NEK11: variants seen among roughly 807,000 people sequenced by gnomAD.
NEK11 encodes serine/threonine-protein kinase Nek11.
In NEK11, 72 loss-of-function variants were observed where a neutral mutation model predicts 80.7. That is an observed-to-expected ratio of 0.89 (90% CI 0.74 to 1.08). The LOEUF (loss-of-function observed/expected upper bound fraction) is 1.08. Ranked by LOEUF, NEK11 falls within the 50% of genes least tolerant of loss-of-function variation. The pLI is 0.00. For missense variants in NEK11, 764 were observed against 763.6 expected (o/e 1.00, Z -0.01); for synonymous variants, 251 against 260.7 (o/e 0.96, Z 0.36).
chr3:131,213,011 A>G (rs1035044619), intron 14 of NEK11, among the ~76,000 whole-genome samples: 20 of 152,172 alleles, frequency 1.3e-4, no homozygotes, highest in Non-Finnish European at 2.6e-4. Flanking sequence ...GATCTTCCCC[A>G]AAGAAGAAGG....
chr3:131,175,064 C>G (rs888876196), intron 14 of NEK11: 2 of 1,171,702 alleles, frequency 1.7e-6, no homozygotes, highest in African/African-American at 3.2e-5. Flanking sequence ...TCTGGGCTGT[C>G]TATGACTTAC....
At chr3:131,059,957 AC>A (rs1414092833) in intron 3 of NEK11, among the ~76,000 whole-genome samples, 1 of 152,240 alleles carries the variant, frequency 6.6e-6, no homozygotes, top group African/African-American at 2.4e-5. Flanking sequence ...GGGGCACAGT[AC>A]AAAGTGAAAA....
intron 16 of NEK11, among the ~76,000 whole-genome samples, chr3:131,272,586 C>T (rs2096217976): frequency 6.9e-6 from 1 of 144,736 alleles, no homozygotes; most frequent in South Asian, 2.3e-4. Flanking sequence ...AGTGATTCTC[C>T]TGTCTCAGCC....
chr3:131,340,439 C>T (rs1172497455), intron 17 of NEK11, among the ~76,000 whole-genome samples: 3 of 152,056 alleles, frequency 2.0e-5, no homozygotes, highest in Non-Finnish European at 4.4e-5. Context: ...GGGTACACAG[C>T]ATAGTCTATA....
At chr3:131,287,766 G>T (rs999732368) in intron 17 of NEK11, among the ~76,000 whole-genome samples, 1 of 152,172 alleles carries the variant, frequency 6.6e-6, no homozygotes, top group Non-Finnish European at 1.5e-5. Flanking sequence ...TCTAACTCCA[G>T]AGCATTCTGA....
At chr3:131,323,750 T>C (rs1292423135) in intron 17 of NEK11, among the ~76,000 whole-genome samples, 1 of 152,196 alleles carries the variant, frequency 6.6e-6, no homozygotes, top group Non-Finnish European at 1.5e-5. Context: ...TGAATTTGCT[T>C]TTGTTCTGTG....
rs544057128 is a variant in NEK11 at position 131,162,638 on chromosome 3, A to G, written c.1082+111A>G. 193 of 1,198,262 alleles carry G rather than the reference A, an allele frequency of 1.6e-4. 1 individual carries two copies. The East Asian group carries it at 4.0e-3, about 25-fold the overall frequency. 74.2% of individuals were successfully genotyped at this position (1,198,262 alleles called of 1,614,324 possible). ...ACAGGAAACCCCAATGCATACGATT[A>G]TGTATTTATGTGTTTATTCATTCAC... is the stretch of plus-strand genomic sequence containing the variant. On this transcript the variant is annotated intron_variant, in intron 11 of 17. Transcript: ENST00000383366.
intron 4 of NEK11, among the ~76,000 whole-genome samples, chr3:131,091,396 A>G (rs528922684): frequency 6.6e-6 from 1 of 152,272 alleles, no homozygotes; most frequent in South Asian, 2.1e-4. Context: ...ACAGGAAATC[A>G]GGCACTTAAT....
intron 17 of NEK11, among the ~76,000 whole-genome samples, chr3:131,276,092 G>A (rs1344116531): frequency 6.6e-6 from 1 of 152,170 alleles, no homozygotes; most frequent in Admixed American, 6.5e-5. Flanking sequence ...AAAAGGAGGA[G>A]AAGCTGGAGG....
chr3:131,069,120 T>C (rs1190162820), intron 3 of NEK11, among the ~76,000 whole-genome samples: 1 of 152,200 alleles, frequency 6.6e-6, no homozygotes, highest in African/African-American at 2.4e-5. Context: ...TTTATTTCAT[T>C]AAAACCCTAG....
At chr3:131,295,059 A>G (rs1318354479) in intron 17 of NEK11, among the ~76,000 whole-genome samples, 2 of 152,230 alleles carry the variant, frequency 1.3e-5, no homozygotes, top group East Asian at 3.9e-4. Flanking sequence ...TAATTGGTAC[A>G]TTTAGATCAT....
chr3:131,039,012 T>A (rs2066049529), intron 3 of NEK11, among the ~76,000 whole-genome samples: 1 of 152,238 alleles, frequency 6.6e-6, no homozygotes, highest in African/African-American at 2.4e-5. Flanking sequence ...GATATGCTGA[T>A]CCCTTTACAT....
intron 16 of NEK11, among the ~76,000 whole-genome samples, chr3:131,249,606 G>A (rs1435724037): frequency 2.0e-5 from 3 of 152,062 alleles, no homozygotes; most frequent in Non-Finnish European, 2.9e-5. Context: ...TTCATATTAA[G>A]TTATGAAACC....
intron 10 of NEK11, among the ~76,000 whole-genome samples, 175 bp from the exon 11 acceptor site, chr3:131,162,233 A>G (rs1327118786): frequency 1.3e-5 from 2 of 152,224 alleles, no homozygotes; most frequent in Non-Finnish European, 2.9e-5. Context: ...AATGTTGCTT[A>G]TTAACTACAG....
intron 14 of NEK11, among the ~76,000 whole-genome samples, chr3:131,193,324 GA>G (rs954279383): frequency 2.0e-4 from 30 of 152,118 alleles, no homozygotes; most frequent in African/African-American, 6.8e-4. Context: ...GGACAAGAGT[GA>G]AAAAGGCAAA....
At position 131,142,924 on chromosome 3, in the gene NEK11, T is replaced by C. The variant is rs550004814; in HGVS notation, c.647+8968T>C. Among the ~76,000 whole-genome samples, 4 of 152,312 alleles carry C rather than the reference T, an allele frequency of 2.6e-5. No homozygotes were observed. The South Asian group carries it at 8.3e-4, about 32-fold the overall frequency. On this transcript the variant is annotated intron_variant, in intron 7 of 17. Coordinates refer to ENST00000383366, the MANE Select transcript of NEK11 (RefSeq NM_024800.5). Reference sequence around the variant, plus strand: ...GAGGAAAGTAATTAGAAAGAGCTGGTATGAACAGGAGAAAATTCACCCAAA... The same window carrying C: ...GAGGAAAGTAATTAGAAAGAGCTGGCATGAACAGGAGAAAATTCACCCAAA...
At chr3:131,324,401 C>G (rs989939264) in intron 17 of NEK11, among the ~76,000 whole-genome samples, 1 of 152,202 alleles carries the variant, frequency 6.6e-6, no homozygotes, top group Non-Finnish European at 1.5e-5. Context: ...GGGAACTCAT[C>G]CTTGCTCTGA....
At chr3:131,281,872 C>A (rs1581355527) in intron 17 of NEK11, among the ~76,000 whole-genome samples, 1 of 152,100 alleles carries the variant, frequency 6.6e-6, no homozygotes, top group African/African-American at 2.4e-5. Flanking sequence ...GTCTATTTTA[C>A]TTGCTTTTGG....
intron 16 of NEK11, among the ~76,000 whole-genome samples, chr3:131,266,447 G>A (rs926367436): frequency 7.9e-5 from 12 of 151,936 alleles, no homozygotes; most frequent in African/African-American, 1.4e-4. Flanking sequence ...ATTTATTTCC[G>A]CCTATTTCGT....
Sources: gnomAD v4.1 joint callset for allele counts (sites outside exome capture counted in the v4.1 genomes callset) on GRCh38, gnomAD v4.1.1 for gene constraint, MANE v1.5 for transcripts, NCBI Gene and HGNC (gene_info 2026-07-23, HGNC 2026-07-21) for gene names.